Variants in STK35 observed in about 807,000 individuals in gnomAD.
STK35 encodes the protein serine/threonine kinase 35.
A neutral mutation model predicts 37.3 loss-of-function variants in STK35; 17 were observed. The ratio of observed to expected loss-of-function variants is 0.46; its 90% CI spans 0.31 to 0.68. STK35 has a LOEUF of 0.68. Among genes scored for constraint, STK35 ranks in the 30% least tolerant of loss-of-function variants. STK35 has a pLI of 0.05. For synonymous variants in STK35, 385 were observed against 319.1 expected, an observed-to-expected ratio of 1.21 and a Z score of -2.20; for missense variants, 595 against 746.7, an observed-to-expected ratio of 0.80 and a Z score of 2.37.
rs1365308813 is a variant in STK35 at position 2,133,370 on chromosome 20, C to T, written c.*38-10414C>T. ...CACAACTGAACCTGTCTCTGGGGAC[C>T]AATTGAGGCAGTTGGCAGCTTTTAT... On this transcript the variant is annotated intron_variant, in intron 3 of 3. Transcript: ENST00000381482. Among the ~76,000 whole-genome samples, 3 of 152,308 alleles carry T rather than the reference C, an allele frequency of 2.0e-5. 1 individual carries two copies. Among genetic ancestry groups the T allele is most frequent in the Non-Finnish European group, 1.5e-5 (1 of 68,022 alleles).
chr20:2,139,474 CTTCTT>C (rs993206591), intron 3 of STK35, among the ~76,000 whole-genome samples: 2 of 152,086 alleles, frequency 1.3e-5, no homozygotes, highest in African/African-American at 4.8e-5. Context: ...ACTTAAGACT[CTTCTT>C]GTCTTCTCTA....
At chr20:2,120,164 A>G (rs34663048) in intron 3 of STK35, among the ~76,000 whole-genome samples, 4,714 of 152,246 alleles carry the variant, frequency 0.031, 218 homozygotes, top group African/African-American at 0.11. Context: ...TGGCATAGGA[A>G]GGTTGTCATT....
At chr20:2,138,590 C>T (rs575176188) in intron 3 of STK35, among the ~76,000 whole-genome samples, 2 of 152,284 alleles carry the variant, frequency 1.3e-5, no homozygotes, top group South Asian at 2.1e-4. Context: ...ACTGGAGTGA[C>T]GATAAACCTC....
intron 3 of STK35, among the ~76,000 whole-genome samples, chr20:2,137,274 C>T (rs1399576417): frequency 1.3e-5 from 2 of 152,204 alleles, no homozygotes; most frequent in African/African-American, 4.8e-5. Context: ...CAAACTGAGG[C>T]TCGGGGGACC....
Position 2,117,982 on chromosome 20 carries a change from C to T in STK35, c.*37+567C>T, listed in dbSNP as rs374221617. 8.7e-4 allele frequency among the ~76,000 whole-genome samples: 133 copies of T among 152,224 alleles called. No homozygotes were observed. The highest frequency in any genetic ancestry group is 3.0e-3 in the African/African-American group (125 of 41,532). ...AGCCGAGTCTCCCTTTTTTTAGAAACGCTCTTTCTCATCATTATAAATGCT... is the reference window on the plus strand; with the variant it reads ...AGCCGAGTCTCCCTTTTTTTAGAAATGCTCTTTCTCATCATTATAAATGCT... On this transcript the variant is annotated intron_variant, in intron 3 of 3. Transcript: ENST00000381482. The surrounding 1 kb of genome is among the most constrained non-coding windows in gnomAD (Gnocchi z 4.4).
intron 2 of STK35, among the ~76,000 whole-genome samples, chr20:2,115,965 T>TC (rs1568575649): frequency 6.7e-6 from 1 of 149,826 alleles, no homozygotes; most frequent in African/African-American, 2.5e-5. Flanking sequence ...GACTCCTGCC[T>TC]CCGCTTCACT....
intron 3 of STK35, among the ~76,000 whole-genome samples, chr20:2,119,220 G>C (rs1034400531): frequency 2.0e-5 from 3 of 152,178 alleles, no homozygotes; most frequent in African/African-American, 7.2e-5. Flanking sequence ...AAGGAGAAGA[G>C]GTATTCAGGG....
In STK35 at chr20:2,117,467, A is replaced by T; in HGVS notation, c.*37+52A>T. 1 of 1,088,276 alleles carries T rather than the reference A, an allele frequency of 9.2e-7. No individual in the cohort carries two copies. The highest frequency in any genetic ancestry group is 1.3e-6 in the Non-Finnish European group (1 of 767,470). The allele number at this position is 1,088,276 out of a possible 1,614,324, so 67.4% of individuals were successfully genotyped here. On this transcript the variant is annotated intron_variant, in intron 3 of 3. Coordinates refer to ENST00000381482, the MANE Select transcript of STK35 (RefSeq NM_080836.4). This position sits in a 1 kb window ranked among gnomAD's most constrained non-coding sequence, Gnocchi z 4.4. ...GTTTTTTGTTTTGAGACAGGGTCTC[A>T]CTCTGTTGGTCAGGCTGGGGTGCAG...
At chr20:2,112,093 A>C (rs1445339782) in intron 2 of STK35, among the ~76,000 whole-genome samples, 2 of 152,212 alleles carry the variant, frequency 1.3e-5, no homozygotes, top group Admixed American at 1.3e-4. Flanking sequence ...TGTGCTCAGA[A>C]ATTGTTGAAG....
chr20:2,113,313 T>C (rs1274682263), intron 2 of STK35, among the ~76,000 whole-genome samples: 2 of 152,146 alleles, frequency 1.3e-5, no homozygotes, highest in Non-Finnish European at 2.9e-5. Context: ...AGCCATAGAT[T>C]GCTAACCAGA....
intron 3 of STK35, among the ~76,000 whole-genome samples, chr20:2,137,276 C>T (rs1033956451): frequency 1.3e-5 from 2 of 152,166 alleles, no homozygotes; most frequent in Admixed American, 6.5e-5. Context: ...AACTGAGGCT[C>T]GGGGGACCCT....
intron 3 of STK35, among the ~76,000 whole-genome samples, chr20:2,134,424 C>A (rs1986051093): frequency 6.6e-6 from 1 of 152,218 alleles, no homozygotes; most frequent in Admixed American, 6.5e-5. Context: ...GCCCCAGCCA[C>A]ACAAGTTGTA....
At chr20:2,134,423 A>G (rs1223335341) in intron 3 of STK35, among the ~76,000 whole-genome samples, 3 of 152,194 alleles carry the variant, frequency 2.0e-5, no homozygotes, top group Non-Finnish European at 4.4e-5. Flanking sequence ...AGCCCCAGCC[A>G]CACAAGTTGT....
rs1600625616 is a variant in STK35, at chr20:2,144,025, A to G, written c.*279A>G. The G allele has an allele frequency of 2.6e-6, 1 of 380,512 alleles. No homozygotes were observed. Among genetic ancestry groups the G allele is most frequent in the East Asian group, 8.0e-5 (1 of 12,536 alleles). The allele number at this position is 380,512 out of a possible 1,614,324, so 23.6% of individuals were successfully genotyped here. A position where few individuals can be genotyped will look rare whatever the true frequency, so the allele number is the denominator to read the frequency against. ...TGAGACTTCAGAAGAGCAGGACACAATGCTGTGGACAGGCACCAATTTCTT... is the reference window on the plus strand; with the variant it reads ...TGAGACTTCAGAAGAGCAGGACACAGTGCTGTGGACAGGCACCAATTTCTT... On this transcript the variant is annotated 3_prime_UTR_variant, in exon 4 of 4. Coordinates refer to ENST00000381482, the MANE Select transcript of STK35 (RefSeq NM_080836.4).
intron 2 of STK35, among the ~76,000 whole-genome samples, chr20:2,115,703 C>A (rs907714157): frequency 6.6e-6 from 1 of 152,186 alleles, no homozygotes. Flanking sequence ...TCTTGTACAT[C>A]GACTTTAGAC....
chr20:2,110,892 T>C (rs559819793), intron 2 of STK35, among the ~76,000 whole-genome samples: 69 of 152,330 alleles, frequency 4.5e-4, no homozygotes, highest in African/African-American at 1.5e-3. Flanking sequence ...CTGCTGAGAA[T>C]CTAGCCTATG....
At chr20:2,111,811 TTC>T (rs1450722679) in intron 2 of STK35, among the ~76,000 whole-genome samples, 1 of 152,208 alleles carries the variant, frequency 6.6e-6, no homozygotes, top group Non-Finnish European at 1.5e-5. Context: ...ACAGAAACTC[TTC>T]TGTGATTATC....
At chr20:2,139,387 G>T (rs1199667670) in intron 3 of STK35, among the ~76,000 whole-genome samples, 3 of 152,310 alleles carry the variant, frequency 2.0e-5, no homozygotes, top group East Asian at 3.9e-4. Context: ...CTGTGCACAG[G>T]CACGTAAGCC....
intron 3 of STK35, among the ~76,000 whole-genome samples, chr20:2,129,599 A>G (rs1985964469): frequency 1.3e-5 from 2 of 152,188 alleles, no homozygotes; most frequent in African/African-American, 4.8e-5. Flanking sequence ...GCCTCTATTA[A>G]TAACACATGG....
Sources: gnomAD v4.1 joint callset for allele counts (sites outside exome capture counted in the v4.1 genomes callset) on GRCh38, gnomAD v4.1.1 for gene constraint, Gnocchi (gnomAD v3.1) non-coding constraint, MANE v1.5 for transcripts, NCBI Gene and HGNC (gene_info 2026-07-23, HGNC 2026-07-21) for gene names.